Variants in RPN2 observed in about 807,000 individuals in gnomAD.
RPN2 encodes dolichyl-diphosphooligosaccharide--protein glycosyltransferase subunit 2.
A neutral mutation model predicts 71.4 loss-of-function variants in RPN2; 29 were observed. The ratio of observed to expected loss-of-function variants is 0.41; its 90% CI spans 0.30 to 0.55. The LOEUF (loss-of-function observed/expected upper bound fraction) is 0.55. Ranked by LOEUF, RPN2 falls within the 20% of genes least tolerant of loss-of-function variation. The pLI, the probability that RPN2 is intolerant of heterozygous loss-of-function variation, is 0.35. For synonymous variants in RPN2, 308 were observed against 305.0 expected (o/e 1.01, Z -0.10); for missense variants, 726 against 774.1 (o/e 0.94, Z 0.74).
At position 37,198,126 on chromosome 20, in the gene RPN2, C is replaced by CAT. The variant is rs1390200137; in HGVS notation, c.208-270_208-269dup. On this transcript the variant is annotated intron_variant, in intron 2 of 16. Coordinates refer to ENST00000237530, the MANE Select transcript of RPN2 (RefSeq NM_002951.5). ...AGCTTCCTAAATACCCAGCACAGTCCATGGCCAGACAGGTGATCCGGGAAG... is the reference window on the plus strand; with the variant it reads ...AGCTTCCTAAATACCCAGCACAGTCCATATGGCCAGACAGGTGATCCGGGAAG... 5.9e-5 allele frequency among the ~76,000 whole-genome samples: 9 copies of CAT among 152,304 alleles called. No individual in the cohort carries two copies. In the East Asian group the frequency reaches 1.7e-3, roughly 29 times the overall value.
intron 6 of RPN2, among the ~76,000 whole-genome samples, chr20:37,206,769 C>T (rs1441590478): frequency 1.3e-5 from 2 of 151,942 alleles, no homozygotes; most frequent in African/African-American, 4.8e-5. Flanking sequence ...AGTGCAGTGG[C>T]GCGATCTTGG....
intron 6 of RPN2, 48 bp from the exon 7 acceptor site, chr20:37,207,225 C>T (rs759769991): frequency 1.3e-6 from 2 of 1,514,796 alleles, no homozygotes; most frequent in South Asian, 2.2e-5. Flanking sequence ...GGCCCTCCCA[C>T]CTTCCCAGCA....
intron 2 of RPN2, among the ~76,000 whole-genome samples, chr20:37,188,024 T>C (rs1224643649): frequency 2.0e-5 from 3 of 152,194 alleles, no homozygotes; most frequent in Non-Finnish European, 4.4e-5. Flanking sequence ...TGTCTAGTTT[T>C]GTTTAGAGAT....
chr20:37,208,441 G>A (rs1019630560), intron 7 of RPN2, among the ~76,000 whole-genome samples: 4 of 151,966 alleles, frequency 2.6e-5, no homozygotes, highest in Non-Finnish European at 4.4e-5. Flanking sequence ...ACGCGGTCTC[G>A]CTATGTCGCG....
chr20:37,233,301 A>AACTTTT (rs1320630289), intron 14 of RPN2, among the ~76,000 whole-genome samples: 19 of 152,274 alleles, frequency 1.2e-4, no homozygotes, highest in African/African-American at 4.1e-4. Flanking sequence ...TAGAGGAAGT[A>AACTTTT]ACTTTTACCT....
At chr20:37,207,170 T>C (rs2067530336) in intron 6 of RPN2, 103 bp from the exon 7 acceptor site, 2 of 905,778 alleles carry the variant, frequency 2.2e-6, no homozygotes, top group East Asian at 2.4e-5. Flanking sequence ...AGACCTCCCA[T>C]GTGAACACCC....
At chr20:37,238,532 G>GT (rs2146721255) in intron 16 of RPN2, 1 of 999,632 alleles carries the variant, frequency 1.0e-6, no homozygotes, top group Admixed American at 2.0e-5. Flanking sequence ...TATCTCTCTA[G>GT]TTTTCAGCCC....
intron 2 of RPN2, among the ~76,000 whole-genome samples, chr20:37,193,995 G>A (rs2067201922): frequency 6.6e-6 from 1 of 152,152 alleles, no homozygotes; most frequent in South Asian, 2.1e-4. Context: ...CAGAGAAGTA[G>A]GAGACCCAGC....
At chr20:37,194,236 G>A (rs2067206764) in intron 2 of RPN2, among the ~76,000 whole-genome samples, 1 of 145,872 alleles carries the variant, frequency 6.9e-6, no homozygotes, top group Admixed American at 7.0e-5. Context: ...CACTGGAGGG[G>A]AGAGAAGGGT....
chr20:37,239,016 C>T (rs2068480630), intron 16 of RPN2, among the ~76,000 whole-genome samples: 1 of 152,166 alleles, frequency 6.6e-6, no homozygotes. Context: ...CCCCATGTGA[C>T]TAAAATGTGA....
At chr20:37,190,834 T>G (rs112585889) in intron 2 of RPN2, among the ~76,000 whole-genome samples, 4,191 of 152,222 alleles carry the variant, frequency 0.028, 72 homozygotes, top group Middle Eastern at 0.034. Flanking sequence ...GGTGTGTGCA[T>G]TATAAGTAAT....
At chr20:37,237,924 G>A (rs1055809370) in intron 16 of RPN2, among the ~76,000 whole-genome samples, 1 of 152,224 alleles carries the variant, frequency 6.6e-6, no homozygotes, top group Non-Finnish European at 1.5e-5. Context: ...CGCCATGGTG[G>A]CTTATGCCTA....
intron 15 of RPN2, among the ~76,000 whole-genome samples, chr20:37,236,250 G>A (rs980083727): frequency 3.9e-5 from 6 of 151,902 alleles, no homozygotes; most frequent in Non-Finnish European, 5.9e-5. Flanking sequence ...GGACCATTAC[G>A]CCTGACTAAT....
At position 37,217,298 on chromosome 20, in the gene RPN2, ATTC is replaced by A. The variant is rs1829256711; in HGVS notation, c.1092+3436_1092+3438del. Among the ~76,000 whole-genome samples, 2 of 145,778 alleles carry A rather than the reference ATTC, an allele frequency of 1.4e-5. 1 individual carries two copies. Among genetic ancestry groups the A allele is most frequent in the African/African-American group, 5.3e-5 (2 of 37,534 alleles). On this transcript the variant is annotated intron_variant, in intron 9 of 16. Transcript: ENST00000237530. ...TATTATTATTATTATTATTATTATT[ATTC>A]TTTTTTTTTTGAAACAGAGTCTCGC... is the stretch of plus-strand genomic sequence containing the variant.
chr20:37,209,968 A>G, intron 7 of RPN2, 79 bp from the exon 8 acceptor site: 2 of 1,592,480 alleles, frequency 1.3e-6, no homozygotes, highest in Non-Finnish European at 1.7e-6. Flanking sequence ...CTTGCAACCT[A>G]TAGATAAAGC....
At chr20:37,235,047 G>T (rs2068349203) in intron 15 of RPN2, among the ~76,000 whole-genome samples, 1 of 152,194 alleles carries the variant, frequency 6.6e-6, no homozygotes, top group South Asian at 2.1e-4. Context: ...ATAGTAAACA[G>T]ATTCTGTAGG....
chr20:37,229,790 A>C, intron 12 of RPN2, 183 bp from the exon 13 acceptor site: 1 of 646,962 alleles, frequency 1.5e-6, no homozygotes, highest in South Asian at 1.7e-5. Context: ...ATTTTCAGCA[A>C]ATACTTGTTT....
chr20:37,238,414 G>A lies in RPN2; in HGVS notation c.1883+1705G>A. 1.9e-6 allele frequency: 3 copies of A among 1,609,750 alleles called. No homozygotes were observed. The South Asian group carries it at 3.3e-5, about 18-fold the overall frequency. On this transcript the variant is annotated intron_variant, in intron 16 of 16. Transcript: ENST00000237530. ...TTTCCTTTGGCAGGATCGCTGCAGA[G>A]CAGAGCAGTAGATTGGCAAAATATA...
chr20:37,211,253 T>G (rs1221451987), intron 8 of RPN2, among the ~76,000 whole-genome samples: 1 of 151,560 alleles, frequency 6.6e-6, no homozygotes, highest in East Asian at 2.0e-4. Flanking sequence ...CAGGCTGGTC[T>G]TGAACTCCTG....
Sources: gnomAD v4.1 joint callset for allele counts (sites outside exome capture counted in the v4.1 genomes callset) on GRCh38, gnomAD v4.1.1 for gene constraint, MANE v1.5 for transcripts, NCBI Gene and HGNC (gene_info 2026-07-23, HGNC 2026-07-21) for gene names.